The following ERBB4 variants were observed in gnomAD, a reference collection of about 807,000 sequenced individuals.
The protein encoded by ERBB4 is erb-b2 receptor tyrosine kinase 4, also known as receptor tyrosine-protein kinase erbB-4.
ERBB4 carries 42 observed loss-of-function variants against 158.0 expected under a neutral mutation model. The observed-to-expected ratio is 0.27, with a 90% CI of 0.21 to 0.34. ERBB4 has a LOEUF of 0.34. Ranked by LOEUF, ERBB4 falls within the 10% of genes least tolerant of loss-of-function variation. The probability of loss-of-function intolerance (pLI) is 1.00; values close to 1 mark genes in which losing one functional copy is unlikely to be tolerated. For synonymous variants in ERBB4, 583 were observed against 558.7 expected, an observed-to-expected ratio of 1.04 and a Z score of -0.61; for missense variants, 1,333 against 1,624.1, an observed-to-expected ratio of 0.82 and a Z score of 3.08.
chr2:211,456,091 T>A lies in ERBB4; in HGVS notation c.2488-24991A>T, dbSNP rs2064374583. On this transcript the variant is annotated intron_variant, in intron 20 of 27. Coordinates refer to ENST00000342788, the MANE Select transcript of ERBB4 (RefSeq NM_005235.3). ...ATTGTGTATTGACTGATGAGGAGCC[T>A]GAGTGTGTGAAGCCACCTATGATAA... Among the ~76,000 whole-genome samples, 3 of 152,336 alleles carry A rather than the reference T, an allele frequency of 2.0e-5. No homozygotes were observed. The South Asian group carries it at 6.2e-4, about 32-fold the overall frequency.
intron 2 of ERBB4, among the ~76,000 whole-genome samples, chr2:211,994,859 G>C (rs762299394): frequency 1.3e-5 from 2 of 152,164 alleles, no homozygotes; most frequent in African/African-American, 2.4e-5. Context: ...AAATTATTTT[G>C]CAAAAACACA....
At chr2:212,007,075 T>C (rs1317361062) in intron 2 of ERBB4, among the ~76,000 whole-genome samples, 1 of 152,170 alleles carries the variant, frequency 6.6e-6, no homozygotes, top group East Asian at 1.9e-4. Flanking sequence ...TAATAAGTAG[T>C]AATCAACATT....
chr2:211,399,076 CT>C (rs2062980246), intron 25 of ERBB4, among the ~76,000 whole-genome samples: 1 of 152,178 alleles, frequency 6.6e-6, no homozygotes, highest in Admixed American at 6.5e-5. Context: ...CTCTTTCTGG[CT>C]TCTTTGCCTT....
chr2:211,925,376 C>CTTT (rs71054150), intron 3 of ERBB4, among the ~76,000 whole-genome samples: 2,919 of 81,568 alleles, frequency 0.036, 128 homozygotes, highest in Non-Finnish European at 0.045. Flanking sequence ...AACAAGACTG[C>CTTT]TTTTTTTTTT....
intron 25 of ERBB4, among the ~76,000 whole-genome samples, chr2:211,418,807 C>T (rs1351932768): frequency 6.6e-6 from 1 of 152,040 alleles, no homozygotes; most frequent in African/African-American, 2.4e-5. Flanking sequence ...TACACCTTAA[C>T]CGCTTTCTTC....
intron 20 of ERBB4, among the ~76,000 whole-genome samples, chr2:211,561,001 G>A (rs576740107): frequency 2.0e-5 from 3 of 151,872 alleles, no homozygotes; most frequent in Non-Finnish European, 4.4e-5. Flanking sequence ...AAAAGACTTC[G>A]GGTCATATTT....
chr2:212,503,465 C>T (rs1691012269), intron 1 of ERBB4, among the ~76,000 whole-genome samples: 1 of 152,126 alleles, frequency 6.6e-6, no homozygotes, highest in South Asian at 2.1e-4. Context: ...AAATGGACTG[C>T]ATTTATATCA....
rs141132897 is a variant in ERBB4, at chr2:211,561,470, T to A, written c.2487+433A>T. On this transcript the variant is annotated intron_variant, in intron 20 of 27. Transcript: ENST00000342788. The stretch of plus-strand genomic sequence containing the variant: ...TGAAGATCATCAAAAAGACTAAGAA[T>A]ATATTTAGACTTTGCTCATTTGTAA... 1.4e-3 allele frequency among the ~76,000 whole-genome samples: 215 copies of A among 152,334 alleles called. 1 individual carries two copies. The East Asian group carries it at 0.015, about 11-fold the overall frequency.
intron 1 of ERBB4, among the ~76,000 whole-genome samples, chr2:212,453,083 C>T (rs1688088934): frequency 6.6e-6 from 1 of 152,150 alleles, no homozygotes; most frequent in African/African-American, 2.4e-5. Flanking sequence ...TAGTCAAATA[C>T]TTCTTTTCAA....
chr2:211,849,862 T>C (rs942939609), intron 3 of ERBB4, among the ~76,000 whole-genome samples: 5 of 152,104 alleles, frequency 3.3e-5, no homozygotes, highest in African/African-American at 1.2e-4. Flanking sequence ...GCACATTTTA[T>C]GCACAAATAG....
rs76975899 is a variant in ERBB4 at position 211,998,611 on chromosome 2, T to C, written c.235-50995A>G. 6.1e-4 allele frequency among the ~76,000 whole-genome samples: 92 copies of C among 151,906 alleles called. No homozygotes were observed. In the East Asian group the frequency reaches 0.014, roughly 23 times the overall value. On this transcript the variant is annotated intron_variant, in intron 2 of 27. Transcript: ENST00000342788. ...TGTAAGTAAATTTCCCTTTTTGTTTTAAATGTAAGACAGCATTTTGTTTTC... is the reference window on the plus strand; with the variant it reads ...TGTAAGTAAATTTCCCTTTTTGTTTCAAATGTAAGACAGCATTTTGTTTTC...
intron 16 of ERBB4, among the ~76,000 whole-genome samples, chr2:211,656,778 C>T (rs983906295): frequency 5.3e-5 from 8 of 152,224 alleles, no homozygotes; most frequent in African/African-American, 1.7e-4. Context: ...ATTTGAGATC[C>T]ATCCATGGTG....
chr2:211,564,959 T>G (rs2067505717), intron 19 of ERBB4, among the ~76,000 whole-genome samples: 1 of 152,082 alleles, frequency 6.6e-6, no homozygotes, highest in African/African-American at 2.4e-5. Flanking sequence ...CATAGAAAAC[T>G]AAGCTAAAGT....
At chr2:212,196,054 C>T (rs192693970) in intron 1 of ERBB4, among the ~76,000 whole-genome samples, 1 of 152,174 alleles carries the variant, frequency 6.6e-6, no homozygotes, top group East Asian at 1.9e-4. Context: ...GACCCTAGAA[C>T]AATGCAGAGG....
At chr2:211,385,725 T>G (rs1386044366) in intron 27 of ERBB4, among the ~76,000 whole-genome samples, 1 of 152,154 alleles carries the variant, frequency 6.6e-6, no homozygotes, top group Non-Finnish European at 1.5e-5. Flanking sequence ...GCTTTTCTCT[T>G]CACCTTACCT....
chr2:211,392,600 A>ACACC (rs564067126), intron 25 of ERBB4, among the ~76,000 whole-genome samples: 133 of 133,636 alleles, frequency 1.0e-3, no homozygotes, highest in African/African-American at 2.9e-3. Flanking sequence ...ACACACACAC[A>ACACC]CCCCAATAAT....
At chr2:211,580,858 TGC>T (rs372453077) in intron 19 of ERBB4, among the ~76,000 whole-genome samples, 381 of 7,690 alleles carry the variant, frequency 0.05, 36 homozygotes, top group Admixed American at 0.28. Flanking sequence ...ATATATAGTA[TGC>T]ATATACATAT....
At chr2:211,823,541 C>T (rs1380396278) in intron 3 of ERBB4, among the ~76,000 whole-genome samples, 1 of 151,798 alleles carries the variant, frequency 6.6e-6, no homozygotes, top group Non-Finnish European at 1.5e-5. Flanking sequence ...AAACTCATTC[C>T]TAGCAGAATT....
intron 20 of ERBB4, among the ~76,000 whole-genome samples, chr2:211,501,769 C>T (rs896829254): frequency 6.6e-6 from 1 of 151,970 alleles, no homozygotes; most frequent in Non-Finnish European, 1.5e-5. Context: ...ATAGCTTTCA[C>T]TATTAAATAC....
Sources: gnomAD v4.1 joint callset for allele counts (sites outside exome capture counted in the v4.1 genomes callset) on GRCh38, gnomAD v4.1.1 for gene constraint, MANE v1.5 for transcripts, NCBI Gene and HGNC (gene_info 2026-07-23, HGNC 2026-07-21) for gene names.